Variants in PCYT1B observed in about 807,000 individuals in gnomAD.
PCYT1B encodes the protein phosphate cytidylyltransferase 1B, choline.
PCYT1B carries 10 observed loss-of-function variants against 26.4 expected under a neutral mutation model. That is an observed-to-expected ratio of 0.38 (90% CI 0.23 to 0.64). The LOEUF (loss-of-function observed/expected upper bound fraction) is 0.64. Among genes scored for constraint, PCYT1B ranks in the 30% least tolerant of loss-of-function variants. PCYT1B has a pLI of 0.56. For synonymous variants in PCYT1B, 131 were observed against 108.4 expected (o/e 1.21, Z -1.29); for missense variants, 161 against 292.7 (o/e 0.55, Z 3.28).
intron 1 of PCYT1B, among the ~76,000 whole-genome samples, chrX:24,633,141 C>T (rs185425306): frequency 3.7e-3 from 324 of 88,727 alleles, no homozygotes; most frequent in Middle Eastern, 7.2e-3. Context: ...ACCTGGGAGG[C>T]GGAGTTTGCA....
At chrX:24,616,804 T>C (rs1925514345) in intron 2 of PCYT1B, among the ~76,000 whole-genome samples, 1 of 112,057 alleles carries the variant, frequency 8.9e-6, no homozygotes, top group Non-Finnish European at 1.9e-5. Flanking sequence ...AACCTTGTTT[T>C]GCCTTTTTCA....
At chrX:24,670,878 C>A (rs911206672) in intron 1 of PCYT1B, among the ~76,000 whole-genome samples, 1 of 111,473 alleles carries the variant, frequency 9.0e-6, no homozygotes, top group Non-Finnish European at 1.9e-5. Context: ...TATCAGAATA[C>A]GGAGTGATAT....
intron 1 of PCYT1B, chrX:24,658,227 A>G (rs895179759): frequency 8.9e-6 from 1 of 112,405 alleles, no homozygotes; most frequent in African/African-American, 3.2e-5. Flanking sequence ...TAGATTTTGA[A>G]TGACATGGTC....
chrX:24,588,055 T>C (rs1414377636), intron 4 of PCYT1B, among the ~76,000 whole-genome samples: 2 of 112,528 alleles, frequency 1.8e-5, no homozygotes, highest in Non-Finnish European at 3.8e-5. Context: ...CCCCTTCCAA[T>C]GGCACTTTTA....
intron 2 of PCYT1B, among the ~76,000 whole-genome samples, chrX:24,612,195 A>G (rs1925330251): frequency 8.9e-6 from 1 of 112,378 alleles, no homozygotes; most frequent in Admixed American, 9.4e-5. Context: ...TCTTACAGTC[A>G]CAAGGAAATA....
At position 24,672,648 on chromosome X, in the gene PCYT1B, T is replaced by C. The variant is rs753386316; in HGVS notation, c.-16A>G. 4.2e-6 allele frequency: 5 copies of C among 1,176,714 alleles called. No individual in the cohort carries two copies. In the South Asian group the frequency reaches 7.2e-5, roughly 17 times the overall value. On this transcript the variant is annotated 5_prime_UTR_variant, in exon 1 of 8. Coordinates refer to the PCYT1B transcript ENST00000379145. The stretch of plus-strand genomic sequence containing the variant: ...GGCCTACCATGCCTGCTCCTGATCT[T>C]TTTATCTTCTCTAGAGGCCTCTACC...
At chrX:24,617,367 G>GT (rs1204801131) in intron 2 of PCYT1B, among the ~76,000 whole-genome samples, 46 of 44,759 alleles carry the variant, frequency 1.0e-3, no homozygotes, top group Non-Finnish European at 1.4e-3. Context: ...AGTTTGGTTT[G>GT]TTTGTTTTTT....
At chrX:24,672,769 C>A, upstream of PCYT1B, 1 of 457,994 alleles carries the variant, frequency 2.2e-6, no homozygotes, top group African/African-American at 2.4e-5. Flanking sequence ...AAGATAAGCT[C>A]GGAGGAGCTC....
intron 2 of PCYT1B, among the ~76,000 whole-genome samples, chrX:24,615,502 T>C (rs1303658891): frequency 1.8e-5 from 2 of 109,294 alleles, no homozygotes; most frequent in East Asian, 5.8e-4. Flanking sequence ...TTCATTCTTG[T>C]CGCCCAGGCT....
At chrX:24,569,944 G>A (rs924250740) in intron 7 of PCYT1B, among the ~76,000 whole-genome samples, 31 of 111,576 alleles carry the variant, frequency 2.8e-4, no homozygotes, top group African/African-American at 1.0e-3. Flanking sequence ...AGCACTTCGG[G>A]AGGCTGAGGC....
chrX:24,577,131 T>C (rs899076425), intron 6 of PCYT1B, among the ~76,000 whole-genome samples: 1 of 111,212 alleles, frequency 9.0e-6, no homozygotes, highest in Non-Finnish European at 1.9e-5. Context: ...AGGCTCCCTT[T>C]CTGGGCTCAG....
chrX:24,645,807 C>A (rs1285708768), intron 1 of PCYT1B, among the ~76,000 whole-genome samples: 1 of 111,588 alleles, frequency 9.0e-6, no homozygotes, highest in Admixed American at 9.5e-5. Context: ...GCCCACAGGG[C>A]TCTAATATAA....
At chrX:24,588,007 C>G (rs1208603954) in intron 4 of PCYT1B, among the ~76,000 whole-genome samples, 1 of 112,630 alleles carries the variant, frequency 8.9e-6, no homozygotes, top group Non-Finnish European at 1.9e-5. Flanking sequence ...TTGTCCTGTC[C>G]TGTCCTGAAT....
rs554750083 is a variant in PCYT1B at position 24,614,615 on chromosome X, T to C, written c.217+4370A>G. ...CAAATTCTGCTATGTTTTGTCTTTTTTGAGGGCACGCTCAAGACAGTGCCA... is the reference window on the plus strand; with the variant it reads ...CAAATTCTGCTATGTTTTGTCTTTTCTGAGGGCACGCTCAAGACAGTGCCA... On this transcript the variant is annotated intron_variant, in intron 2 of 7. Transcript: ENST00000379144. Among the ~76,000 whole-genome samples, 6 of 112,362 alleles carry C rather than the reference T, an allele frequency of 5.3e-5. No individual in the cohort carries two copies. The South Asian group carries it at 2.2e-3, about 42-fold the overall frequency.
intron 1 of PCYT1B, among the ~76,000 whole-genome samples, chrX:24,630,951 C>G (rs1283712694): frequency 9.0e-6 from 1 of 111,343 alleles, no homozygotes; most frequent in Non-Finnish European, 1.9e-5. Context: ...GAGACGGAGT[C>G]TTGCATTGTT....
chrX:24,667,466 C>T (rs896415461), intron 1 of PCYT1B, among the ~76,000 whole-genome samples: 3 of 111,116 alleles, frequency 2.7e-5, no homozygotes, highest in Non-Finnish European at 5.7e-5. Context: ...CCTGTAATCC[C>T]GACACTTTGG....
chrX:24,630,296 G>A (rs1433594563), intron 1 of PCYT1B, among the ~76,000 whole-genome samples: 8 of 111,346 alleles, frequency 7.2e-5, no homozygotes, highest in Non-Finnish European at 1.5e-4. Flanking sequence ...TTTTTTGTTT[G>A]TTTGTTTGTT....
chrX:24,639,519 T>A (rs1474663438), intron 1 of PCYT1B, among the ~76,000 whole-genome samples: 1 of 111,226 alleles, frequency 9.0e-6, no homozygotes, highest in Non-Finnish European at 1.9e-5. Flanking sequence ...TCACTGCATC[T>A]CATCAGGAAC....
chrX:24,618,176 T>A (rs1252607802), intron 2 of PCYT1B, among the ~76,000 whole-genome samples: 1 of 112,001 alleles, frequency 8.9e-6, no homozygotes, highest in East Asian at 2.8e-4. Context: ...GCTAAAGGGA[T>A]GAATGAATGA....
Sources: allele counts gnomAD v4.1 joint callset (sites outside exome capture counted in the v4.1 genomes callset), GRCh38; gene constraint gnomAD v4.1.1; transcripts MANE v1.5; gene names NCBI Gene and HGNC (gene_info 2026-07-23, HGNC 2026-07-21).